The following AKNA variants were observed in gnomAD, a reference collection of about 807,000 sequenced individuals.
The protein encoded by AKNA is AT-hook transcription factor.
Under a neutral mutation model 138.8 loss-of-function variants are expected in AKNA, and 67 were observed. That is an observed-to-expected ratio of 0.48 (90% CI 0.40 to 0.59). The LOEUF (loss-of-function observed/expected upper bound fraction) is 0.59. AKNA is among the 20% of genes least tolerant of loss of function. AKNA has a pLI of 0.00. For missense variants in AKNA, 1,813 were observed against 1,880.4 expected (o/e 0.96, Z 0.66); for synonymous variants, 737 against 754.4 (o/e 0.98, Z 0.38).
At chr9:114,368,634 T>A in intron 4 of AKNA, 39 bp from the exon 5 acceptor site, 2 of 1,331,900 alleles carry the variant, frequency 1.5e-6, no homozygotes, top group Non-Finnish European at 1.9e-6. Context: ...CAAGTCAGGG[T>A]AGGGGCAAAC....
At chr9:114,371,785 C>T (rs1832785398) in intron 4 of AKNA, among the ~76,000 whole-genome samples, 1 of 152,200 alleles carries the variant, frequency 6.6e-6, no homozygotes, top group African/African-American at 2.4e-5. Flanking sequence ...GCGCGGCTCC[C>T]TCCCAGGTGG....
chr9:114,370,070 G>A (rs1333606535), intron 4 of AKNA, among the ~76,000 whole-genome samples: 8 of 152,240 alleles, frequency 5.3e-5, no homozygotes, highest in Admixed American at 3.3e-4. Flanking sequence ...GGTCAGGAAT[G>A]AGCAGTTTAG....
intron 9 of AKNA, among the ~76,000 whole-genome samples, chr9:114,361,261 T>C (rs1481106025): frequency 6.6e-6 from 1 of 152,220 alleles, no homozygotes; most frequent in Non-Finnish European, 1.5e-5. Context: ...CAAGCTGTTT[T>C]CCCTGCTGGA....
At chr9:114,363,217 C>T (rs1361610696) in intron 7 of AKNA, among the ~76,000 whole-genome samples, 3 of 152,204 alleles carry the variant, frequency 2.0e-5, no homozygotes, top group African/African-American at 7.2e-5. Flanking sequence ...GGCCCTCTGG[C>T]CCCAGAGCTC....
chr9:114,393,486 A>G (rs1006258744), intron 1 of AKNA, among the ~76,000 whole-genome samples: 1 of 151,758 alleles, frequency 6.6e-6, no homozygotes, highest in Non-Finnish European at 1.5e-5. Flanking sequence ...CGGCCTCCCA[A>G]AGTGCTGGGA....
chr9:114,396,353 TTTC>T (rs1427561851), upstream of AKNA, among the ~76,000 whole-genome samples: 2 of 152,040 alleles, frequency 1.3e-5, no homozygotes, highest in Non-Finnish European at 2.9e-5. Context: ...TGAGCAAAAG[TTTC>T]TTATGATGCC....
chr9:114,364,636 G>A lies in AKNA; in HGVS notation c.1729-17C>T, dbSNP rs1832209762. 1 of 1,613,386 alleles carries A rather than the reference G, an allele frequency of 6.2e-7. No homozygotes were observed. Among genetic ancestry groups the A allele is most frequent in the South Asian group, 1.1e-5 (1 of 91,064 alleles). ...GGACTCCACCTGGACATTGGGAGGG[G>A]AAGGAAATATGCTCCATTAATCCAG... On this transcript the variant is annotated splice_polypyrimidine_tract_variant and intron_variant, in intron 6 of 21. Coordinates refer to ENST00000374088, the MANE Select transcript of AKNA (RefSeq NM_001317950.2).
chr9:114,347,863 G>A lies in AKNA; in HGVS notation c.3259C>T (p.Leu1087Phe), dbSNP rs972623480. 21 of 1,551,226 alleles carry A rather than the reference G, an allele frequency of 1.4e-5. No homozygotes were observed. The highest frequency in any genetic ancestry group is 1.8e-5 in the Non-Finnish European group (21 of 1,147,220). ...AGGCTGTCTTCCAGCCGCAGACGAA[G>A]CCGGGACACCTCTTCTTGCAGCTCA... ...ICELQEEVSR[L>F]RLRLEDSLHQ... Residue 1087 changes from leucine (L) to phenylalanine (F), a missense_variant, in exon 16 of 22, where the codon CTT (leucine) becomes TTT (phenylalanine). Coordinates refer to ENST00000374088, the MANE Select transcript of AKNA (RefSeq NM_001317950.2).
intron 1 of AKNA, among the ~76,000 whole-genome samples, chr9:114,387,654 T>C (rs544889871): frequency 1.3e-5 from 2 of 152,286 alleles, no homozygotes; most frequent in East Asian, 3.9e-4. Flanking sequence ...GAATCTAGCA[T>C]CCTGAGGCTT....
rs1168393228 is a variant in AKNA, at chr9:114,377,221, T to C, written c.586A>G (p.Ser196Gly). Residue 196 changes from serine to glycine, a missense_variant, in exon 3 of 22, where the codon AGC becomes GGC. By Grantham distance (56) the Ser-to-Gly change is moderately conservative (BLOSUM62 0). Coordinates refer to ENST00000374088, the MANE Select transcript of AKNA (RefSeq NM_001317950.2). Reference protein sequence around the residue: ...HSEVNPSVELSPARSWSSGTV... With the variant: ...HSEVNPSVELGPARSWSSGTV... ...CCACTGCTCCAGGACCTTGCCGGGCTGAGTTCAACGGATGGGTTGACCTCG... is the reference window on the plus strand; with the variant it reads ...CCACTGCTCCAGGACCTTGCCGGGCCGAGTTCAACGGATGGGTTGACCTCG... The C allele has an allele frequency of 1.1e-5, 18 of 1,614,228 alleles. No homozygotes were observed. Among genetic ancestry groups the C allele is most frequent in the Non-Finnish European group, 1.5e-5 (18 of 1,180,040 alleles).
chr9:114,330,872 A>C (rs770748565), downstream of AKNA: 3 of 1,609,700 alleles, frequency 1.9e-6, no homozygotes, highest in South Asian at 2.2e-5. Flanking sequence ...GGTGAGGGCC[A>C]GCCCTCAGGC....
chr9:114,359,714 C>A lies in AKNA; in HGVS notation c.2372G>T (p.Gly791Val), dbSNP rs769970407. Reference sequence around the variant, plus strand: ...ATCAACTTCCAGGGAGTCACCTCCCCCCTCTTCCTCCTCCTCCTCCTCTCC... The same window carrying A: ...ATCAACTTCCAGGGAGTCACCTCCCACCTCTTCCTCCTCCTCCTCCTCTCC... ...EEGEEEEEEE[G>V]GGDSLEVDGV... The change falls in exon 11 of 22, where the codon GGG becomes GTG. Residue 791 changes from glycine (G) to valine (V), a missense_variant. Physicochemically the swap from Gly to Val is moderately radical, Grantham distance 109. Transcript: ENST00000374088. 1 of 1,610,110 alleles carries A rather than the reference C, an allele frequency of 6.2e-7. No individual in the cohort carries two copies. Among genetic ancestry groups the A allele is most frequent in the Non-Finnish European group, 8.5e-7 (1 of 1,177,884 alleles).
At chr9:114,383,604 A>G (rs1284111025) in intron 1 of AKNA, among the ~76,000 whole-genome samples, 1 of 152,202 alleles carries the variant, frequency 6.6e-6, no homozygotes, top group Non-Finnish European at 1.5e-5. Context: ...CTCCTGGCCC[A>G]CAGTCTGGGC....
rs139126761 is a variant in AKNA at position 114,345,877 on chromosome 9, C to T, written c.3647G>A (p.Arg1216Gln). The T allele has an allele frequency of 1.4e-5, 23 of 1,613,980 alleles. No homozygotes were observed. Among genetic ancestry groups the T allele is most frequent in the African/African-American group, 6.7e-5 (5 of 74,898 alleles). ...SAGWPDRVTFRGQYTGHEYHV... is the reference protein window; with the variant it reads ...SAGWPDRVTFQGQYTGHEYHV... ...TCCTGACCTACCTGTGTATTGGCCC[C>T]GGAAGGTGACCCTGTCTGGCCATCC... The change falls in exon 18 of 22, where the codon CGG (arginine) becomes CAG (glutamine). Residue 1216 changes from arginine (R) to glutamine (Q), a missense_variant. Physicochemically the swap from Arg to Gln is conservative, Grantham distance 43. Coordinates refer to ENST00000374088, the MANE Select transcript of AKNA (RefSeq NM_001317950.2).
chr9:114,391,634 A>T (rs761690068), upstream of AKNA, among the ~76,000 whole-genome samples: 1 of 152,152 alleles, frequency 6.6e-6, no homozygotes, highest in Non-Finnish European at 1.5e-5. Context: ...GGATCACCTG[A>T]GGTCAGGAGT....
rs1831786736 is a variant in AKNA, at chr9:114,359,722, C to T, written c.2364G>A (p.Glu788=). 1 of 1,593,026 alleles carries T rather than the reference C, an allele frequency of 6.3e-7. No individual in the cohort carries two copies. The highest frequency in any genetic ancestry group is 2.2e-5 in the East Asian group (1 of 44,582). Residue 788 remains glutamate (E), a synonymous_variant, in exon 11 of 22, where the codon GAG becomes GAA. Coordinates refer to ENST00000374088, the MANE Select transcript of AKNA (RefSeq NM_001317950.2). ...CCAGGGAGTCACCTCCCCCCTCTTC[C>T]TCCTCCTCCTCCTCTCCTTCTTCCT... ...EEEEEGEEEE[E]EEGGGDSLEV... is the part of the protein sequence containing the mutation.
chr9:114,371,446 C>G (rs1163408551), intron 4 of AKNA, among the ~76,000 whole-genome samples: 10 of 152,268 alleles, frequency 6.6e-5, no homozygotes, highest in Admixed American at 6.5e-4. Context: ...ATCAATCCAC[C>G]TCATCCCTAT....
chr9:114,358,116 G>T lies in AKNA; in HGVS notation c.2544C>A (p.Ser848=), dbSNP rs1554838062. ...VSMKPPGFQA[S]LARDGHMSGL... is the part of the protein sequence containing the mutation. ...CTGACATGTGCCCGTCTCTAGCCAG[G>T]GATGCCTGGAAACCTGGTGGCTTCA... Residue 848 remains serine (S), a synonymous_variant, in exon 12 of 22, where the codon TCC becomes TCA. Coordinates refer to ENST00000374088, the MANE Select transcript of AKNA (RefSeq NM_001317950.2). 10 of 1,614,204 alleles carry T rather than the reference G, an allele frequency of 6.2e-6. No individual in the cohort carries two copies. The South Asian group carries it at 7.7e-5, about 12-fold the overall frequency.
chr9:114,368,506 G>A lies in AKNA; in HGVS notation c.1506C>T (p.Ile502=). 3 of 1,371,544 alleles carry A rather than the reference G, an allele frequency of 2.2e-6. No homozygotes were observed. In the Middle Eastern group the frequency reaches 5.9e-4, roughly 268 times the overall value. 85.0% of individuals were successfully genotyped at this position (1,371,544 alleles called of 1,614,324 possible). A position where few individuals can be genotyped will look rare whatever the true frequency, so the allele number is the denominator to read the frequency against. ...PQGTKVLSFT[I]PQPRSAEWWP... is the part of the protein sequence containing the mutation. ...ACCACTCTGCAGAGCGGGGCTGTGG[G>A]ATGGTGAAGGACAAGACCTTGGTCC... The change falls in exon 5 of 22, where the codon ATC becomes ATT. Residue 502 remains isoleucine, a synonymous_variant. Transcript: ENST00000374088.
Sources: gnomAD v4.1 joint callset for allele counts (sites outside exome capture counted in the v4.1 genomes callset) on GRCh38, gnomAD v4.1.1 for gene constraint, MANE v1.5 for transcripts, NCBI Gene and HGNC (gene_info 2026-07-23, HGNC 2026-07-21) for gene names.